ABL1: variants seen among roughly 807,000 people sequenced by gnomAD.
ABL1 encodes the protein ABL proto-oncogene 1, non-receptor tyrosine kinase.
In ABL1, 11 loss-of-function variants were observed where a neutral mutation model predicts 94.7. The ratio of observed to expected loss-of-function variants is 0.12; its 90% CI spans 0.07 to 0.19. ABL1 has a LOEUF of 0.19. ABL1 is among the 10% of genes least tolerant of loss of function. The probability of loss-of-function intolerance (pLI) is 1.00; values close to 1 mark genes in which losing one functional copy is unlikely to be tolerated. For synonymous variants in ABL1, 656 were observed against 622.4 expected (o/e 1.05, Z -0.80); for missense variants, 1,082 against 1,489.4 (o/e 0.73, Z 4.50).
chr9:130,858,455 G>A (rs1258501916), intron 3 of ABL1, among the ~76,000 whole-genome samples: 3 of 152,016 alleles, frequency 2.0e-5, no homozygotes, highest in African/African-American at 4.8e-5. Flanking sequence ...CTCCCTCCCC[G>A]TCTGGCACAG....
At chr9:130,797,243 A>G (rs1202414821) in intron 1 of ABL1, among the ~76,000 whole-genome samples, 2 of 79,606 alleles carry the variant, frequency 2.5e-5, no homozygotes, top group African/African-American at 1.8e-4. Context: ...CTCGAAAAAA[A>G]AAAAAAAAAA....
At chr9:130,800,556 G>T (rs1381790879) in intron 1 of ABL1, among the ~76,000 whole-genome samples, 1 of 151,964 alleles carries the variant, frequency 6.6e-6, no homozygotes. Context: ...TCAGCCTCTG[G>T]CCCCAGACAA....
intron 1 of ABL1, among the ~76,000 whole-genome samples, chr9:130,815,377 A>G (rs1048306365): frequency 1.2e-4 from 19 of 152,276 alleles, no homozygotes; most frequent in African/African-American, 4.3e-4. Flanking sequence ...TCTTGTCCCC[A>G]GATCTGATAT....
chr9:130,852,017 G>C (rs1830875257), intron 1 of ABL1, among the ~76,000 whole-genome samples: 1 of 152,038 alleles, frequency 6.6e-6, no homozygotes, highest in Non-Finnish European at 1.5e-5. Context: ...GACCTCAGGT[G>C]ATCTGCCCAC....
intron 1 of ABL1, among the ~76,000 whole-genome samples, chr9:130,837,268 A>G (rs115424161): frequency 8.5e-5 from 13 of 152,328 alleles, no homozygotes; most frequent in African/African-American, 3.1e-4. Context: ...GTTGCTCAAA[A>G]TTCTGAGCAC....
intron 1 of ABL1, among the ~76,000 whole-genome samples, chr9:130,822,544 T>C (rs72765053): frequency 0.041 from 6,166 of 150,172 alleles, 245 homozygotes; most frequent in African/African-American, 0.096. Context: ...GCTGGGACTA[T>C]AGGCACACAC....
At position 130,724,151 on chromosome 9, in the gene ABL1, C is replaced by T. The variant is rs552030015; in HGVS notation, c.136+9696C>T. On this transcript the variant is annotated intron_variant, in intron 1 of 10. Coordinates refer to the ABL1 transcript ENST00000372348. ...AAGAGATAAGGTCTTGCTTTGTCGC[C>T]CAGGCTGGAGTACAATGATATGATC... 2.0e-4 allele frequency among the ~76,000 whole-genome samples: 30 copies of T among 152,238 alleles called. 1 individual carries two copies. In the South Asian group the frequency reaches 5.6e-3, roughly 28 times the overall value.
intron 4 of ABL1, among the ~76,000 whole-genome samples, chr9:130,868,520 C>CTTTTTCT: frequency 1.8e-5 from 2 of 112,110 alleles, no homozygotes; most frequent in East Asian, 2.5e-4. Context: ...TTTTCTTTTT[C>CTTTTTCT]TTTTTTTTTT....
rs1157038176 is a variant in ABL1, at chr9:130,827,008, G to A, written c.137-27056G>A. The stretch of plus-strand genomic sequence containing the variant: ...CAGGAGAATGGCGTGAACCCTGAAG[G>A]CGGAGCTTGCAGTGAGCCGAGATGG... On this transcript the variant is annotated intron_variant, in intron 1 of 10. Transcript: ENST00000372348. 2.4e-4 allele frequency among the ~76,000 whole-genome samples: 37 copies of A among 152,140 alleles called. 1 individual carries two copies. The highest frequency in any genetic ancestry group is 2.4e-3 in the Admixed American group (37 of 15,282).
At chr9:130,832,272 G>A (rs1271193562), upstream of ABL1, among the ~76,000 whole-genome samples, 4 of 149,846 alleles carry the variant, frequency 2.7e-5, no homozygotes, top group African/African-American at 7.4e-5. Context: ...ACAGATGCCC[G>A]CTACCACGCC....
rs1450537097 is a variant in ABL1 at position 130,814,916 on chromosome 9, A to T, written c.137-39148A>T. Among the ~76,000 whole-genome samples, 3 of 151,780 alleles carry T rather than the reference A, an allele frequency of 2.0e-5. No individual in the cohort carries two copies. Among genetic ancestry groups the T allele is most frequent in the African/African-American group, 7.2e-5 (3 of 41,408 alleles). ...AAATAAAAATAAAGTTTAGTAAAATAAAAAAAATCAGTAAAATACAAATAA... is the reference window on the plus strand; with the variant it reads ...AAATAAAAATAAAGTTTAGTAAAATTAAAAAAATCAGTAAAATACAAATAA... On this transcript the variant is annotated intron_variant, in intron 1 of 10. Coordinates refer to the ABL1 transcript ENST00000372348. This position sits in a 1 kb window ranked among gnomAD's most constrained non-coding sequence, Gnocchi z 4.4.
chr9:130,823,115 T>G (rs1830386303), intron 1 of ABL1, among the ~76,000 whole-genome samples: 1 of 152,132 alleles, frequency 6.6e-6, no homozygotes, highest in African/African-American at 2.4e-5. Context: ...CTTTATCAGG[T>G]ATATGATAGC....
intron 1 of ABL1, among the ~76,000 whole-genome samples, chr9:130,725,824 GTTTTTTTTTTT>G (rs34517462): frequency 1.4e-4 from 11 of 76,002 alleles, no homozygotes; most frequent in South Asian, 4.6e-4. Flanking sequence ...GTGTATGGTG[GTTTTTTTTTTT>G]TTTTTTTTTT....
chr9:130,776,656 TGAAGTTGGTAGC>T, intron 1 of ABL1, among the ~76,000 whole-genome samples: 1 of 151,030 alleles, frequency 6.6e-6, no homozygotes, highest in African/African-American at 2.4e-5. Context: ...CAGGCTGGTG[TGAAGTTGGTAGC>T]CCTGGAGGAG....
At position 130,872,209 on chromosome 9, in the gene ABL1, C is replaced by T. The variant is rs1250436247; in HGVS notation, c.903C>T (p.Leu301=). The change falls in exon 5 of 11, where the codon CTC becomes CTT. Residue 301 remains leucine (L), a synonymous_variant. Coordinates refer to ENST00000318560, the MANE Select transcript of ABL1 (RefSeq NM_005157.6). This position sits in a 1 kb window ranked among gnomAD's most constrained non-coding sequence, Gnocchi z 5.0. ...KEIKHPNLVQ[L]LGVCTREPPF... ...TCAAACACCCTAACCTGGTGCAGCTCCTTGGTGAGTAAGCCCGGGGCTCTG... is the reference window on the plus strand; with the variant it reads ...TCAAACACCCTAACCTGGTGCAGCTTCTTGGTGAGTAAGCCCGGGGCTCTG... 2 of 1,613,736 alleles carry T rather than the reference C, an allele frequency of 1.2e-6. No homozygotes were observed.
chr9:130,869,623 C>T (rs974878217), intron 4 of ABL1, among the ~76,000 whole-genome samples: 2 of 152,198 alleles, frequency 1.3e-5, no homozygotes, highest in Non-Finnish European at 2.9e-5. Flanking sequence ...CAGAAGAGAC[C>T]AGGCTGAAAA....
In ABL1 at chr9:130,880,762, C is replaced by T. The variant is rs1471996188; in HGVS notation, c.1678+98C>T. 5 of 1,423,896 alleles carry T rather than the reference C, an allele frequency of 3.5e-6. No homozygotes were observed. Among genetic ancestry groups the T allele is most frequent in the South Asian group, 1.4e-5 (1 of 73,986 alleles). The allele number at this position is 1,423,896 out of a possible 1,614,324, so 88.2% of individuals were successfully genotyped here. A position where few individuals can be genotyped will look rare whatever the true frequency, so the allele number is the denominator to read the frequency against. ...GCCAACGGGAAGCTGTGAATGGAGC[C>T]CGCACAGAAGGGCAGCCATGGCCTT... On this transcript the variant is annotated intron_variant, in intron 10 of 10. Transcript: ENST00000318560. The surrounding 1 kb of genome is among the most constrained non-coding windows in gnomAD (Gnocchi z 4.4).
rs922175561 is a variant in ABL1, at chr9:130,829,587, T to G, written c.137-24477T>G. Among the ~76,000 whole-genome samples the G allele has an allele frequency of 3.4e-3, 471 of 140,354 alleles. 3 individuals carry two copies. Among genetic ancestry groups the G allele is most frequent in the African/African-American group, 0.012 (456 of 37,460 alleles). The allele number at this position is 140,354 out of a possible 152,430, so 92.1% of individuals were successfully genotyped here. A position where few individuals can be genotyped will look rare whatever the true frequency, so the allele number is the denominator to read the frequency against. On this transcript the variant is annotated intron_variant, in intron 1 of 10. Coordinates refer to the ABL1 transcript ENST00000372348. ...CTCAAAAAAAAAAAAAAAAAAAAAG[T>G]ACAACTGAGAATATTTGAAATGTTT...
At chr9:130,724,965 AG>A in intron 1 of ABL1, 1 of 331,520 alleles carries the variant, frequency 3.0e-6, no homozygotes, top group Non-Finnish European at 6.1e-6. Flanking sequence ...AGACTTCGGA[AG>A]GTGACAGGCC....
Sources: gnomAD v4.1 joint callset for allele counts (sites outside exome capture counted in the v4.1 genomes callset) on GRCh38, gnomAD v4.1.1 for gene constraint, Gnocchi (gnomAD v3.1) non-coding constraint, MANE v1.5 for transcripts, NCBI Gene and HGNC (gene_info 2026-07-23, HGNC 2026-07-21) for gene names.